ERC2: variants seen among roughly 807,000 people sequenced by gnomAD.
ERC2 encodes ELKS/RAB6-interacting/CAST family member 2.
A neutral mutation model predicts 114.8 loss-of-function variants in ERC2; 42 were observed. The ratio of observed to expected loss-of-function variants is 0.37; its 90% CI spans 0.29 to 0.47. The LOEUF (loss-of-function observed/expected upper bound fraction) is 0.47, where lower values mean the gene tolerates loss of function less well. ERC2 is among the 20% of genes least tolerant of loss of function. ERC2 has a pLI of 0.99. For missense variants in ERC2, 939 were observed against 1,150.7 expected (o/e 0.82, Z 2.66); for synonymous variants, 454 against 425.5 (o/e 1.07, Z -0.82).
At chr3:55,731,105 C>A (rs148482647) in intron 15 of ERC2, among the ~76,000 whole-genome samples, 1 of 152,190 alleles carries the variant, frequency 6.6e-6, no homozygotes, top group Admixed American at 6.5e-5. Flanking sequence ...CAAGTACAGG[C>A]GCTATGGGCC....
chr3:56,344,431 G>C (rs533820189), intron 2 of ERC2, among the ~76,000 whole-genome samples: 3 of 152,202 alleles, frequency 2.0e-5, no homozygotes. Context: ...CTGTAACGAA[G>C]TGCCCTCAGG....
chr3:55,752,080 A>G (rs1227793059), intron 14 of ERC2, among the ~76,000 whole-genome samples: 1 of 152,216 alleles, frequency 6.6e-6, no homozygotes, highest in Non-Finnish European at 1.5e-5. Context: ...ACTTTGTTAC[A>G]ACCTCCAGGC....
At chr3:56,267,073 T>G (rs1328006050) in intron 3 of ERC2, among the ~76,000 whole-genome samples, 2 of 152,222 alleles carry the variant, frequency 1.3e-5, no homozygotes, top group Non-Finnish European at 2.9e-5. Context: ...TCTGATTTTT[T>G]TTTCAGGTTT....
chr3:56,168,150 G>A (rs2082421226), intron 4 of ERC2, among the ~76,000 whole-genome samples: 2 of 152,210 alleles, frequency 1.3e-5, no homozygotes, highest in South Asian at 4.1e-4. Flanking sequence ...CTAGCTGCAG[G>A]ACCATGGGCA....
intron 17 of ERC2, among the ~76,000 whole-genome samples, chr3:55,550,800 A>C (rs922427294): frequency 3.9e-5 from 6 of 152,022 alleles, no homozygotes; most frequent in Non-Finnish European, 8.8e-5. Context: ...GCAGATCACG[A>C]GGTCAGGAGA....
At chr3:56,141,090 C>G (rs2080828103) in intron 5 of ERC2, among the ~76,000 whole-genome samples, 1 of 152,170 alleles carries the variant, frequency 6.6e-6, no homozygotes, top group South Asian at 2.1e-4. Context: ...AAGCACCTTG[C>G]AAGTATGCCA....
intron 2 of ERC2, among the ~76,000 whole-genome samples, chr3:56,400,908 C>A (rs2060495264): frequency 6.6e-6 from 1 of 152,184 alleles, no homozygotes; most frequent in Non-Finnish European, 1.5e-5. Context: ...AACCCCAACA[C>A]CCATACTGTG....
At chr3:56,407,152 C>T (rs2060760844) in intron 2 of ERC2, among the ~76,000 whole-genome samples, 1 of 152,202 alleles carries the variant, frequency 6.6e-6, no homozygotes, top group African/African-American at 2.4e-5. Context: ...TCGCTACTCC[C>T]AACAACTTTC....
chr3:56,310,026 T>A (rs750723870), intron 2 of ERC2, among the ~76,000 whole-genome samples: 5 of 152,180 alleles, frequency 3.3e-5, no homozygotes, highest in African/African-American at 7.2e-5. Context: ...AAGATGGATA[T>A]AATTTATTTC....
At chr3:55,789,940 G>A (rs976349838) in intron 14 of ERC2, among the ~76,000 whole-genome samples, 1 of 152,162 alleles carries the variant, frequency 6.6e-6, no homozygotes, top group Non-Finnish European at 1.5e-5. Context: ...TTGGACAGAT[G>A]TAAGGCCACG....
intron 2 of ERC2, among the ~76,000 whole-genome samples, chr3:56,421,243 G>A (rs17056783): frequency 0.047 from 7,128 of 152,282 alleles, 294 homozygotes; most frequent in African/African-American, 0.12. Flanking sequence ...TTCTGGATTC[G>A]TCTTGGTCCT....
At chr3:55,895,589 A>G (rs1045455699) in intron 13 of ERC2, among the ~76,000 whole-genome samples, 19 of 152,328 alleles carry the variant, frequency 1.2e-4, no homozygotes, top group African/African-American at 4.1e-4. Context: ...ATGTATGCTT[A>G]GTTGCTATAA....
intron 3 of ERC2, among the ~76,000 whole-genome samples, chr3:56,184,643 T>C (rs1437369722): frequency 6.6e-6 from 1 of 152,128 alleles, no homozygotes; most frequent in Non-Finnish European, 1.5e-5. Context: ...GCACGGTCAG[T>C]CTGAGGTCTA....
chr3:56,363,332 C>T (rs2059028597), intron 2 of ERC2, among the ~76,000 whole-genome samples: 1 of 152,106 alleles, frequency 6.6e-6, no homozygotes, highest in African/African-American at 2.4e-5. Context: ...GAATTTAAGC[C>T]CTATTTTCAA....
At chr3:56,404,303 CTTTATCT>C (rs2060628423) in intron 2 of ERC2, among the ~76,000 whole-genome samples, 1 of 152,034 alleles carries the variant, frequency 6.6e-6, no homozygotes, top group African/African-American at 2.4e-5. Flanking sequence ...TCTCATTTTG[CTTTATCT>C]TTTCTGTCTC....
At chr3:55,618,145 T>A (rs2059194298) in intron 17 of ERC2, among the ~76,000 whole-genome samples, 1 of 152,114 alleles carries the variant, frequency 6.6e-6, no homozygotes, top group African/African-American at 2.4e-5. Context: ...TTAAGCATGT[T>A]GGTTGTTTTT....
intron 17 of ERC2, among the ~76,000 whole-genome samples, chr3:55,601,003 T>C (rs2058375900): frequency 6.6e-6 from 1 of 152,236 alleles, no homozygotes; most frequent in African/African-American, 2.4e-5. Context: ...ACAGGCCCTC[T>C]TCTGCAGTGC....
chr3:56,412,676 G>A (rs921704907), intron 2 of ERC2, among the ~76,000 whole-genome samples: 1 of 152,166 alleles, frequency 6.6e-6, no homozygotes, highest in Non-Finnish European at 1.5e-5. Flanking sequence ...TGTTTGGCAC[G>A]ATTTGTGAGC....
rs540263800 is a variant in ERC2 at position 55,521,889 on chromosome 3, G to A, written c.*40-10613C>T. On this transcript the variant is annotated intron_variant, in intron 17 of 17. Coordinates refer to ENST00000288221, the MANE Select transcript of ERC2 (RefSeq NM_015576.3). ...GGTTGTGGTCACTAAACCCATTAGC[G>A]TTCCAATGTGGCAACAGCTAATGCA... Among the ~76,000 whole-genome samples the A allele has an allele frequency of 4.6e-5, 7 of 152,324 alleles. No homozygotes were observed. The South Asian group carries it at 1.4e-3, about 32-fold the overall frequency.
Sources: allele counts gnomAD v4.1 joint callset (sites outside exome capture counted in the v4.1 genomes callset), GRCh38; gene constraint gnomAD v4.1.1; transcripts MANE v1.5; gene names NCBI Gene and HGNC (gene_info 2026-07-23, HGNC 2026-07-21).